The following YEATS2 variants were observed in gnomAD, a reference collection of about 807,000 sequenced individuals.
YEATS2 encodes the protein YEATS domain-containing protein 2.
Under a neutral mutation model 163.2 loss-of-function variants are expected in YEATS2, and 77 were observed. The observed-to-expected ratio is 0.47, with a 90% CI of 0.39 to 0.57. YEATS2 has a LOEUF of 0.57. Among genes scored for constraint, YEATS2 ranks in the 20% least tolerant of loss-of-function variants. The pLI, the probability that YEATS2 is intolerant of heterozygous loss-of-function variation, is 0.00. For missense variants in YEATS2, 1,549 were observed against 1,729.8 expected, an observed-to-expected ratio of 0.90 and a Z score of 1.85; for synonymous variants, 631 against 645.1, an observed-to-expected ratio of 0.98 and a Z score of 0.33.
intron 22 of YEATS2, among the ~76,000 whole-genome samples, 171 bp from the exon 23 acceptor site, chr3:183,798,720 C>G (rs188079438): frequency 6.6e-6 from 1 of 152,132 alleles, no homozygotes; most frequent in African/African-American, 2.4e-5. Flanking sequence ...ATCTCAGTTA[C>G]CCTCATACCT....
chr3:183,736,853 C>G (rs1481801100), intron 8 of YEATS2, 24 bp downstream of exon 8: 3 of 1,589,560 alleles, frequency 1.9e-6, no homozygotes, highest in South Asian at 2.2e-5. Context: ...ACATTGCTCC[C>G]TAGTTTTGAA....
chr3:183,777,248 A>G (rs1380404226), intron 18 of YEATS2, among the ~76,000 whole-genome samples: 1 of 152,228 alleles, frequency 6.6e-6, no homozygotes, highest in African/African-American at 2.4e-5. Context: ...TTATTGAGAA[A>G]GATGATATCA....
At chr3:183,778,271 TAAA>T (rs970255221) in intron 19 of YEATS2, among the ~76,000 whole-genome samples, 5 of 152,188 alleles carry the variant, frequency 3.3e-5, no homozygotes, top group Non-Finnish European at 7.4e-5. Context: ...CTTGCACAGT[TAAA>T]AAAATCAAGG....
intron 28 of YEATS2, 150 bp downstream of exon 28, chr3:183,807,242 C>A (rs1370275507): frequency 2.8e-6 from 2 of 712,844 alleles, no homozygotes; most frequent in Admixed American, 2.8e-5. Context: ...TGCTTGACTT[C>A]CTTCTGCCTG....
At position 183,736,738 on chromosome 3, in the gene YEATS2, C is replaced by T. The variant is rs753397585; in HGVS notation, c.833C>T (p.Thr278Ile). 6.2e-7 allele frequency: 1 copy of T among 1,613,650 alleles called. No homozygotes were observed. Residue 278 changes from threonine to isoleucine, a missense_variant, in exon 8 of 31, where the codon ACC (threonine) becomes ATC (isoleucine). Coordinates refer to ENST00000305135, the MANE Select transcript of YEATS2 (RefSeq NM_018023.5). ...VEVREPPFHL[T>I]RRGWGEFPVR... ...CATAGAGAGCCTCCTTTTCACCTGACCAGAAGAGGCTGGGGTGAGTTTCCC... is the reference window on the plus strand; with the variant it reads ...CATAGAGAGCCTCCTTTTCACCTGATCAGAAGAGGCTGGGGTGAGTTTCCC...
At chr3:183,716,336 A>G (rs959863454) in intron 2 of YEATS2, among the ~76,000 whole-genome samples, 4 of 152,190 alleles carry the variant, frequency 2.6e-5, no homozygotes, top group Non-Finnish European at 4.4e-5. Flanking sequence ...CTAAGTTAAT[A>G]CTTTTAACAG....
intron 1 of YEATS2, among the ~76,000 whole-genome samples, chr3:183,700,413 C>A (rs1310777813): frequency 6.6e-6 from 1 of 151,998 alleles, no homozygotes; most frequent in African/African-American, 2.4e-5. Context: ...TCATCAACTA[C>A]GGATTTTTAT....
intron 19 of YEATS2, among the ~76,000 whole-genome samples, chr3:183,783,088 C>T (rs1723734937): frequency 6.6e-6 from 1 of 152,184 alleles, no homozygotes; most frequent in Admixed American, 6.5e-5. Context: ...CAAATTATGC[C>T]ATGGCTATTA....
chr3:183,766,249 G>T (rs1323783804), intron 15 of YEATS2, among the ~76,000 whole-genome samples: 1 of 152,220 alleles, frequency 6.6e-6, no homozygotes, highest in Non-Finnish European at 1.5e-5. Context: ...TTTCAGGGTT[G>T]TAGAAGAATT....
intron 7 of YEATS2, among the ~76,000 whole-genome samples, chr3:183,732,067 A>G (rs201320480): frequency 1.3e-5 from 2 of 152,142 alleles, no homozygotes; most frequent in South Asian, 2.1e-4. Context: ...CAGGAAATGT[A>G]TATAAGTCTA....
chr3:183,709,913 C>T (rs1715018653), intron 1 of YEATS2, among the ~76,000 whole-genome samples: 1 of 152,006 alleles, frequency 6.6e-6, no homozygotes, highest in Non-Finnish European at 1.5e-5. Flanking sequence ...ATCTCCTGAC[C>T]TTGTGATCCG....
At position 183,718,543 on chromosome 3, in the gene YEATS2, G is replaced by A; in HGVS notation, c.242G>A (p.Cys81Tyr). 1 of 1,613,618 alleles carries A rather than the reference G, an allele frequency of 6.2e-7. No homozygotes were observed. The highest frequency in any genetic ancestry group is 2.2e-5 in the East Asian group (1 of 44,850). ...AGGATGATGGATAAACTGCGTGCCTGCATTGTAGCAAACTACTATGCTTCT... is the reference window on the plus strand; with the variant it reads ...AGGATGATGGATAAACTGCGTGCCTACATTGTAGCAAACTACTATGCTTCT... The part of the protein sequence containing the change: ...ARRMMDKLRA[C>Y]IVANYYASAG... Residue 81 changes from cysteine (C) to tyrosine (Y), a missense_variant, in exon 4 of 31, where the codon TGC (cysteine) becomes TAC (tyrosine). Transcript: ENST00000305135.
At position 183,806,930 on chromosome 3, in the gene YEATS2, C is replaced by T; in HGVS notation, c.3849C>T (p.Phe1283=). 4 of 1,614,052 alleles carry T rather than the reference C, an allele frequency of 2.5e-6. No homozygotes were observed. The highest frequency in any genetic ancestry group is 3.4e-6 in the Non-Finnish European group (4 of 1,180,008). The stretch of plus-strand genomic sequence containing the variant: ...GCAAACTGGAGGACCTGCAACAGTT[C>T]CAGAAAAGGGAACCCGAGAATGAGG... ...LCRKLEDLQQ[F]QKREPENEEE... is the part of the protein sequence containing the mutation. Residue 1283 remains phenylalanine, a synonymous_variant, in exon 28 of 31, where the codon TTC becomes TTT. Coordinates refer to ENST00000305135, the MANE Select transcript of YEATS2 (RefSeq NM_018023.5).
Position 183,703,473 on chromosome 3 carries a change from T to C in YEATS2, c.-20+5480T>C, listed in dbSNP as rs371976997. Reference sequence around the variant, plus strand: ...ATAGAGGTTGGTGCAAAAGTAGTTGTGGTTTTTACTTTTGCACCAACCTAA... The same window carrying C: ...ATAGAGGTTGGTGCAAAAGTAGTTGCGGTTTTTACTTTTGCACCAACCTAA... On this transcript the variant is annotated intron_variant, in intron 1 of 30. Coordinates refer to ENST00000305135, the MANE Select transcript of YEATS2 (RefSeq NM_018023.5). 1.4e-4 allele frequency among the ~76,000 whole-genome samples: 21 copies of C among 152,296 alleles called. 1 individual carries two copies. Among genetic ancestry groups the C allele is most frequent in the Admixed American group, 5.2e-4 (8 of 15,282 alleles).
intron 10 of YEATS2, among the ~76,000 whole-genome samples, chr3:183,752,526 G>A (rs1043122268): frequency 4.0e-5 from 6 of 151,630 alleles, no homozygotes; most frequent in Admixed American, 1.3e-4. Context: ...TGACTAACAC[G>A]GTGAAACCCC....
At chr3:183,722,926 A>G (rs1359841840) in intron 5 of YEATS2, among the ~76,000 whole-genome samples, 3 of 152,228 alleles carry the variant, frequency 2.0e-5, no homozygotes, top group African/African-American at 7.2e-5. Context: ...TGCTGGGATT[A>G]CAGGCGTGAG....
At chr3:183,711,470 C>CAAAA (rs532093071) in intron 1 of YEATS2, among the ~76,000 whole-genome samples, 6 of 70,796 alleles carry the variant, frequency 8.5e-5, no homozygotes, top group East Asian at 4.3e-4. Context: ...GACTCTGTCT[C>CAAAA]AAAAAAAAAA....
At chr3:183,789,794 C>T (rs1435587541) in intron 20 of YEATS2, among the ~76,000 whole-genome samples, 1 of 151,956 alleles carries the variant, frequency 6.6e-6, no homozygotes, top group Non-Finnish European at 1.5e-5. Flanking sequence ...CCGCTTTGGC[C>T]TCCCAAAGTG....
intron 9 of YEATS2, among the ~76,000 whole-genome samples, chr3:183,749,209 C>T (rs942430713): frequency 6.6e-6 from 1 of 152,164 alleles, no homozygotes; most frequent in African/African-American, 2.4e-5. Context: ...TCCCAAAGTG[C>T]TGGGATTACA....
Sources: gnomAD v4.1 joint callset for allele counts (sites outside exome capture counted in the v4.1 genomes callset) on GRCh38, gnomAD v4.1.1 for gene constraint, MANE v1.5 for transcripts, NCBI Gene and HGNC (gene_info 2026-07-23, HGNC 2026-07-21) for gene names.